IPO11: variants seen among roughly 807,000 people sequenced by gnomAD.
IPO11 encodes the protein importin-11.
IPO11 carries 66 observed loss-of-function variants against 143.2 expected under a neutral mutation model. The ratio of observed to expected loss-of-function variants is 0.46; its 90% CI spans 0.38 to 0.57. IPO11 has a LOEUF of 0.57. Among genes scored for constraint, IPO11 ranks in the 20% least tolerant of loss-of-function variants. The pLI, the probability that IPO11 is intolerant of heterozygous loss-of-function variation, is 0.00. For synonymous variants in IPO11, 385 were observed against 377.8 expected (o/e 1.02, Z -0.22); for missense variants, 1,026 against 1,141.0 (o/e 0.90, Z 1.45).
intron 5 of IPO11, among the ~76,000 whole-genome samples, chr5:62,458,515 G>A (rs1173070301): frequency 6.6e-6 from 1 of 152,154 alleles, no homozygotes; most frequent in East Asian, 1.9e-4. Context: ...TGGCCAGGCT[G>A]GTCTCAAACT....
chr5:62,473,890 G>A (rs1272947751), intron 7 of IPO11, among the ~76,000 whole-genome samples: 1 of 152,114 alleles, frequency 6.6e-6, no homozygotes, highest in Non-Finnish European at 1.5e-5. Context: ...GAGGACCAAT[G>A]TGTCATATAC....
intron 27 of IPO11, among the ~76,000 whole-genome samples, chr5:62,588,526 C>G (rs58504293): frequency 6.6e-6 from 1 of 152,208 alleles, no homozygotes; most frequent in African/African-American, 2.4e-5. Context: ...AGCCGCCATG[C>G]CTGGCATAAA....
At position 62,452,971 on chromosome 5, in the gene IPO11, A is replaced by C. The variant is rs1744994845; in HGVS notation, c.516+1038A>C. 2.0e-5 allele frequency among the ~76,000 whole-genome samples: 3 copies of C among 150,632 alleles called. No homozygotes were observed. The South Asian group carries it at 6.2e-4, about 31-fold the overall frequency. On this transcript the variant is annotated intron_variant, in intron 5 of 29. Coordinates refer to ENST00000325324, the MANE Select transcript of IPO11 (RefSeq NM_016338.5). ...TCTCACTATGTTACCCATGCTTTAA[A>C]GTGTTTTTAACAGTGTTCTTTGTTA... is the stretch of plus-strand genomic sequence containing the variant.
At chr5:62,537,973 G>A (rs1742793505) in intron 24 of IPO11, among the ~76,000 whole-genome samples, 2 of 152,032 alleles carry the variant, frequency 1.3e-5, no homozygotes, top group African/African-American at 2.4e-5. Flanking sequence ...GTATACATAC[G>A]TAACAAACCT....
At chr5:62,589,805 T>C (rs1199168416) in intron 27 of IPO11, among the ~76,000 whole-genome samples, 1 of 152,086 alleles carries the variant, frequency 6.6e-6, no homozygotes, top group Non-Finnish European at 1.5e-5. Flanking sequence ...TAGACTGAAG[T>C]GTGGCCCCTA....
intron 27 of IPO11, among the ~76,000 whole-genome samples, chr5:62,590,270 G>A (rs1317861178): frequency 9.9e-5 from 15 of 152,088 alleles, no homozygotes; most frequent in Admixed American, 9.8e-4. Flanking sequence ...AGAAATTCTG[G>A]ATTAAAACTA....
intron 1 of IPO11, among the ~76,000 whole-genome samples, chr5:62,431,131 G>A (rs934314842): frequency 6.6e-6 from 1 of 151,234 alleles, no homozygotes; most frequent in African/African-American, 2.4e-5. Flanking sequence ...CATGTGCTAC[G>A]GTACGCCTGG....
intron 28 of IPO11, among the ~76,000 whole-genome samples, chr5:62,593,599 T>A (rs1239714582): frequency 1.3e-5 from 2 of 152,132 alleles, no homozygotes; most frequent in Non-Finnish European, 2.9e-5. Flanking sequence ...AAAGTTTTGT[T>A]TTGGAAGAGG....
Position 62,414,833 on chromosome 5 carries a change from C to A in IPO11, c.-7+1904C>A, listed in dbSNP as rs549969805. Among the ~76,000 whole-genome samples the A allele has an allele frequency of 2.0e-5, 3 of 152,200 alleles. No homozygotes were observed. The South Asian group carries it at 6.2e-4, about 32-fold the overall frequency. On this transcript the variant is annotated intron_variant, in intron 1 of 29. Transcript: ENST00000325324. ...AAGAACACTGAGGTAATGCACAAAC[C>A]GGTATAAAAATTTATAGCATCATTT...
chr5:62,504,542 C>T, intron 16 of IPO11, 125 bp from the exon 17 acceptor site: 1 of 578,864 alleles, frequency 1.7e-6, no homozygotes, highest in South Asian at 2.3e-5. Context: ...TGAATATTTA[C>T]ATGGTCTGTG....
At chr5:62,419,494 C>T (rs1743424505) in intron 1 of IPO11, among the ~76,000 whole-genome samples, 1 of 152,178 alleles carries the variant, frequency 6.6e-6, no homozygotes, top group Non-Finnish European at 1.5e-5. Context: ...CTCAGGTACA[C>T]ACAAGGTCAG....
rs1400674403 is a variant in IPO11 at position 62,601,838 on chromosome 5, G to A, written c.2753G>A (p.Arg918Lys). The A allele has an allele frequency of 6.3e-7, 1 of 1,577,732 alleles. No homozygotes were observed. Among genetic ancestry groups the A allele is most frequent in the Non-Finnish European group, 8.6e-7 (1 of 1,161,906 alleles). Reference protein sequence around the residue: ...DEEPPTEQDKRKKMLALKDPV... With the variant: ...DEEPPTEQDKKKKMLALKDPV... ...GAACCACCCACAGAACAAGATAAGA[G>A]GAAAAAGATGGTAAGTTATAAAAGT... Residue 918 changes from arginine (R) to lysine (K), a missense_variant, in exon 29 of 30, where the codon AGG becomes AAG. Arg to Lys is a conservative substitution (Grantham distance 26, BLOSUM62 2). This residue lies in a region of IPO11 where 351 missense variants were observed against 358.9 expected (regional missense o/e 0.98). Transcript: ENST00000325324.
chr5:62,627,217 GCA>G lies in IPO11; in HGVS notation c.2830_2831del (p.Gln944AlafsTer47). On this transcript the variant is annotated frameshift_variant, in exon 30 of 30. Transcript: ENST00000325324. LOFTEE classifies it high-confidence loss of function. ...GCAGTTCATCTACGAGAAGCTCAAG[GCA>G]CAGCAGGAGATGCTAGGAGAACAAG... ...LQQFIYEKLKAQQEMLGEQGF... is the reference protein window; with the variant it reads ...LQQFIYEKLKXQQEMLGEQGF... 2 of 1,614,114 alleles carry G rather than the reference GCA, an allele frequency of 1.2e-6. No individual in the cohort carries two copies. The highest frequency in any genetic ancestry group is 1.7e-6 in the Non-Finnish European group (2 of 1,180,006).
At chr5:62,475,323 C>T (rs1426367236) in intron 8 of IPO11, among the ~76,000 whole-genome samples, 1 of 152,114 alleles carries the variant, frequency 6.6e-6, no homozygotes, top group Admixed American at 6.5e-5. Flanking sequence ...GAGTTGGAGA[C>T]CAGCCTGGGC....
At chr5:62,457,286 G>C (rs538071738) in intron 5 of IPO11, among the ~76,000 whole-genome samples, 1 of 152,058 alleles carries the variant, frequency 6.6e-6, no homozygotes, top group East Asian at 1.9e-4. Flanking sequence ...CCAGGAGTTT[G>C]AGACTAGTCT....
At chr5:62,527,514 C>T (rs1742407126) in intron 21 of IPO11, among the ~76,000 whole-genome samples, 1 of 152,040 alleles carries the variant, frequency 6.6e-6, no homozygotes, top group Non-Finnish European at 1.5e-5. Flanking sequence ...TAATTCCTGG[C>T]ATATAAATAA....
chr5:62,438,133 G>A (rs1401449142), intron 2 of IPO11, among the ~76,000 whole-genome samples: 1 of 152,170 alleles, frequency 6.6e-6, no homozygotes, highest in African/African-American at 2.4e-5. Flanking sequence ...TTGTGACCAG[G>A]TCATAGAATC....
chr5:62,567,513 A>C (rs1372416385), intron 27 of IPO11, among the ~76,000 whole-genome samples: 4 of 73,250 alleles, frequency 5.5e-5, no homozygotes, highest in South Asian at 8.1e-4. Flanking sequence ...TACTATTTCT[A>C]CCCTTTTTTC....
intron 2 of IPO11, among the ~76,000 whole-genome samples, chr5:62,441,715 C>G (rs1004821272): frequency 1.3e-4 from 19 of 151,484 alleles, no homozygotes; most frequent in African/African-American, 4.4e-4. Flanking sequence ...GGGGTTTCAT[C>G]ATGTTGGCCA....
Sources: allele counts gnomAD v4.1 joint callset (sites outside exome capture counted in the v4.1 genomes callset), GRCh38; gene constraint gnomAD v4.1.1; regional missense constraint gnomAD v4.1.1; transcripts MANE v1.5; gene names NCBI Gene and HGNC (gene_info 2026-07-23, HGNC 2026-07-21).